Variants in FKTN observed in about 807,000 individuals in gnomAD.
FKTN encodes ribitol-5-phosphate transferase FKTN.
A neutral mutation model predicts 58.6 loss-of-function variants in FKTN; 47 were observed. The ratio of observed to expected loss-of-function variants is 0.80; its 90% CI spans 0.63 to 1.02. The LOEUF (loss-of-function observed/expected upper bound fraction) is 1.02, where lower values mean the gene tolerates loss of function less well. Among genes scored for constraint, FKTN ranks in the 50% least tolerant of loss-of-function variants. FKTN has a pLI of 0.00. For missense variants in FKTN, 516 were observed against 537.3 expected (o/e 0.96, Z 0.39); for synonymous variants, 178 against 191.9 (o/e 0.93, Z 0.60).
At chr9:105,586,778 T>C (rs1209204718) in intron 3 of FKTN, among the ~76,000 whole-genome samples, 1 of 152,250 alleles carries the variant, frequency 6.6e-6, no homozygotes, top group Non-Finnish European at 1.5e-5. Context: ...AGATGATAAC[T>C]ATCAGTAGCT....
At chr9:105,574,813 T>G (rs149188102) in intron 2 of FKTN, 132 bp from the exon 3 acceptor site, 9,797 of 479,926 alleles carry the variant, frequency 0.02, 142 homozygotes, top group Middle Eastern at 0.062. Context: ...TGATTATTTC[T>G]TTAGCATAGA....
chr9:105,565,503 T>A (rs1469158567), intron 1 of FKTN, among the ~76,000 whole-genome samples: 2 of 152,072 alleles, frequency 1.3e-5, no homozygotes, highest in Admixed American at 1.3e-4. Flanking sequence ...GCAATCCTAG[T>A]CTCTGATAAA....
Position 105,640,279 on chromosome 9 carries a change from A to C in FKTN, c.*5015A>C. The C allele has an allele frequency of 2.0e-6, 2 of 1,018,208 alleles. No homozygotes were observed. The highest frequency in any genetic ancestry group is 3.9e-5 in the South Asian group (2 of 51,260). The allele number at this position is 1,018,208 out of a possible 1,614,324, so 63.1% of individuals were successfully genotyped here. A position where few individuals can be genotyped will look rare whatever the true frequency, so the allele number is the denominator to read the frequency against. ...AGAAATCCCTGCTTCTTTTGGGTGCAGTGGCTCACACCTGTAATACCAGCA... is the reference window on the plus strand; with the variant it reads ...AGAAATCCCTGCTTCTTTTGGGTGCCGTGGCTCACACCTGTAATACCAGCA... On this transcript the variant is annotated 3_prime_UTR_variant, in exon 11 of 11. Transcript: ENST00000357998.
At chr9:105,604,004 A>C (rs528823319) in intron 5 of FKTN, among the ~76,000 whole-genome samples, 2 of 152,104 alleles carry the variant, frequency 1.3e-5, no homozygotes, top group African/African-American at 4.8e-5. Context: ...TTCCTGCTAC[A>C]TACTTTGTAT....
intron 1 of FKTN, among the ~76,000 whole-genome samples, chr9:105,562,209 G>A (rs998488883): frequency 6.6e-6 from 1 of 152,244 alleles, no homozygotes; most frequent in African/African-American, 2.4e-5. Context: ...TAACAATGAT[G>A]CTGGCTGTGC....
chr9:105,562,649 G>T (rs12337780), intron 1 of FKTN, among the ~76,000 whole-genome samples: 2 of 152,206 alleles, frequency 1.3e-5, no homozygotes, highest in South Asian at 4.1e-4. Context: ...TTTGGAAAAG[G>T]TTACTATCAT....
chr9:105,620,361 G>A (rs1184278857), intron 10 of FKTN, among the ~76,000 whole-genome samples: 2 of 152,178 alleles, frequency 1.3e-5, no homozygotes, highest in Non-Finnish European at 2.9e-5. Flanking sequence ...GGGTTTTAGA[G>A]TCAGGCTGAC....
chr9:105,622,086 A>G (rs977793573), intron 10 of FKTN, among the ~76,000 whole-genome samples: 5 of 152,198 alleles, frequency 3.3e-5, no homozygotes, highest in African/African-American at 9.6e-5. Context: ...CACTATCTGT[A>G]AAGAGAGGTA....
chr9:105,606,528 C>T (rs931430280), intron 6 of FKTN, among the ~76,000 whole-genome samples: 1 of 151,636 alleles, frequency 6.6e-6, no homozygotes, highest in Non-Finnish European at 1.5e-5. Context: ...TTACAGTCTA[C>T]TTTGAATAGC....
chr9:105,595,506 GTTGT>G (rs1322994754), intron 3 of FKTN, among the ~76,000 whole-genome samples: 1 of 152,150 alleles, frequency 6.6e-6, no homozygotes, highest in East Asian at 1.9e-4. Flanking sequence ...CAAGATTACA[GTTGT>G]TTTTTTCTCA....
At chr9:105,580,423 T>C (rs1842665373) in intron 3 of FKTN, among the ~76,000 whole-genome samples, 1 of 145,648 alleles carries the variant, frequency 6.9e-6, no homozygotes, top group Non-Finnish European at 1.5e-5. Context: ...CCTTCACTTA[T>C]GAAGCTTAGT....
At chr9:105,628,393 A>C (rs1832998257) in intron 10 of FKTN, among the ~76,000 whole-genome samples, 1 of 152,214 alleles carries the variant, frequency 6.6e-6, no homozygotes, top group Non-Finnish European at 1.5e-5. Context: ...TACTTATACA[A>C]TATGTAGAAG....
chr9:105,601,329 A>C lies in FKTN; in HGVS notation c.350A>C (p.Tyr117Ser), dbSNP rs775672119. The C allele has an allele frequency of 3.1e-6, 5 of 1,607,644 alleles. No homozygotes were observed. The East Asian group carries it at 8.9e-5, about 29-fold the overall frequency. The change falls in exon 5 of 11, where the codon TAT (tyrosine) becomes TCT (serine). Residue 117 changes from tyrosine to serine, a missense_variant. By Grantham distance (144) the Tyr-to-Ser change is moderately radical. Transcript: ENST00000357998. ...PRDFTAFALQ[Y>S]HLWKNEEGWF... ...GACTTTACTGCATTTGCACTGCAGT[A>C]TCACCTATGGAAGAATGAGGTAAGT...
chr9:105,639,407 C>A lies in FKTN; in HGVS notation c.*4143C>A. On this transcript the variant is annotated 3_prime_UTR_variant, in exon 11 of 11. Coordinates refer to ENST00000357998, the MANE Select transcript of FKTN (RefSeq NM_001079802.2). ...GTGGGATTTATGGTGGGGGCCCTTT[C>A]AGTCTCAATTTCCACATTAGTGAAC... 1.5e-6 allele frequency: 1 copy of A among 671,112 alleles called. No homozygotes were observed. The highest frequency in any genetic ancestry group is 1.8e-6 in the Non-Finnish European group (1 of 542,964). The allele number at this position is 671,112 out of a possible 1,614,324, so 41.6% of individuals were successfully genotyped here. A position where few individuals can be genotyped will look rare whatever the true frequency, so the allele number is the denominator to read the frequency against.
chr9:105,585,604 T>C (rs920009001), intron 3 of FKTN, among the ~76,000 whole-genome samples: 12 of 152,330 alleles, frequency 7.9e-5, no homozygotes, highest in African/African-American at 2.4e-4. Context: ...ACTCAAAGTT[T>C]AGTGAAGTAT....
chr9:105,563,123 CA>C (rs763828573), intron 1 of FKTN, among the ~76,000 whole-genome samples: 6 of 152,148 alleles, frequency 3.9e-5, no homozygotes, highest in Non-Finnish European at 8.8e-5. Context: ...CTAATACCTT[CA>C]AAGGACAAAT....
chr9:105,584,895 T>A (rs1843640946), intron 3 of FKTN, among the ~76,000 whole-genome samples: 1 of 152,154 alleles, frequency 6.6e-6, no homozygotes, highest in Non-Finnish European at 1.5e-5. Context: ...TAAAATGGAA[T>A]TTTTAAATTT....
intron 3 of FKTN, among the ~76,000 whole-genome samples, chr9:105,588,190 A>T (rs1268484028): frequency 6.6e-6 from 1 of 152,140 alleles, no homozygotes; most frequent in Admixed American, 6.5e-5. Flanking sequence ...TACTTTCTGG[A>T]TGCTTTTTCT....
At chr9:105,622,258 T>A (rs1443081933) in intron 10 of FKTN, among the ~76,000 whole-genome samples, 1 of 152,008 alleles carries the variant, frequency 6.6e-6, no homozygotes, top group East Asian at 1.9e-4. Flanking sequence ...TTTTTGTCTT[T>A]ATAATAACCT....
Sources: allele counts gnomAD v4.1 joint callset (sites outside exome capture counted in the v4.1 genomes callset), GRCh38; gene constraint gnomAD v4.1.1; transcripts MANE v1.5; gene names NCBI Gene and HGNC (gene_info 2026-07-23, HGNC 2026-07-21).